The following TMEM245 variants were observed in gnomAD, a reference collection of about 807,000 sequenced individuals.
TMEM245 encodes the protein protein CG-2.
In TMEM245, 69 loss-of-function variants were observed where a neutral mutation model predicts 101.2. The ratio of observed to expected loss-of-function variants is 0.68; its 90% confidence interval spans 0.56 to 0.83. TMEM245 has a LOEUF of 0.83. TMEM245 is among the 40% of genes least tolerant of loss of function. The probability of loss-of-function intolerance (pLI) is 0.00; values close to 1 mark genes in which losing one functional copy is unlikely to be tolerated. For synonymous variants in TMEM245, 537 were observed against 449.8 expected, an observed-to-expected ratio of 1.19 and a Z score of -2.45; for missense variants, 1,075 against 1,092.8, an observed-to-expected ratio of 0.98 and a Z score of 0.23.
At chr9:109,084,202 T>G (rs1005540255) in intron 7 of TMEM245, among the ~76,000 whole-genome samples, 1 of 152,154 alleles carries the variant, frequency 6.6e-6, no homozygotes, top group Non-Finnish European at 1.5e-5. Context: ...CCTAATTCAC[T>G]CCACTTGAAA....
Position 109,119,558 on chromosome 9 carries a change from A to C in TMEM245, c.356T>G (p.Ile119Ser). ...CGGCAGGAGCAGCGCGGCCAGGACG[A>C]TGGGCGTGTGCGCGCGGTGCAGGCG... is the stretch of plus-strand genomic sequence containing the variant. ...LQRLHRAHTP[I>S]VLAALLLPLC... is the part of the protein sequence containing the mutation. The change falls in exon 1 of 18, where the codon ATC becomes AGC. Residue 119 changes from isoleucine (I) to serine (S), a missense_variant. Transcript: ENST00000374586. The C allele has an allele frequency of 6.5e-7, 1 of 1,537,970 alleles. No individual in the cohort carries two copies.
Position 109,064,548 on chromosome 9 carries a change from C to T in TMEM245, c.1552G>A (p.Val518Ile). Residue 518 changes from valine (V) to isoleucine (I), a missense_variant, in exon 10 of 18, where the codon GTA (valine) becomes ATA (isoleucine). Transcript: ENST00000374586. The stretch of plus-strand genomic sequence containing the variant: ...GCAGAATTCAGGGCTCTTTGGACTA[C>T]CTGAGCCTCAGGAAGCCAACTAATG... ...EWANWLPEAQ[V>I]VQRALNSAAN... The T allele has an allele frequency of 1.2e-6, 2 of 1,613,792 alleles. No homozygotes were observed. The highest frequency in any genetic ancestry group is 4.5e-5 in the East Asian group (2 of 44,854).
At chr9:109,065,228 A>C (rs1291859347) in intron 9 of TMEM245, among the ~76,000 whole-genome samples, 1 of 152,194 alleles carries the variant, frequency 6.6e-6, no homozygotes. Context: ...GGGATATTCA[A>C]CATCTGGGAC....
rs114754757 is a variant in TMEM245 at position 109,033,221 on chromosome 9, A to G, written c.2594+86T>C. 1.1e-3 allele frequency: 1,411 copies of G among 1,340,006 alleles called. 23 individuals are homozygous for G. In the African/African-American group the frequency reaches 0.019, roughly 18 times the overall value. 83.0% of individuals were successfully genotyped at this position (1,340,006 alleles called of 1,614,324 possible). ...GGTACTCAAATACCTTTATCCTGAC[A>G]AGTCTGGATGAAGCTACTTATCAAA... is the stretch of plus-strand genomic sequence containing the variant. On this transcript the variant is annotated intron_variant, in intron 17 of 17. Coordinates refer to ENST00000374586, the MANE Select transcript of TMEM245 (RefSeq NM_032012.4).
At chr9:109,105,839 C>G (rs1158789136) in intron 3 of TMEM245, among the ~76,000 whole-genome samples, 1 of 151,976 alleles carries the variant, frequency 6.6e-6, no homozygotes, top group Non-Finnish European at 1.5e-5. Flanking sequence ...GGTGCGATCT[C>G]GGCTCTCACT....
intron 3 of TMEM245, among the ~76,000 whole-genome samples, chr9:109,104,448 G>A (rs1830358973): frequency 6.6e-6 from 1 of 152,102 alleles, no homozygotes; most frequent in South Asian, 2.1e-4. Flanking sequence ...TTTTTATATT[G>A]TAAAGATGGC....
chr9:109,082,932 AC>A (rs1158999989), intron 7 of TMEM245, among the ~76,000 whole-genome samples: 1 of 152,182 alleles, frequency 6.6e-6, no homozygotes, highest in East Asian at 1.9e-4. Context: ...TTTAAAATAA[AC>A]AAAATTATTT....
At chr9:109,027,447 T>A (rs1333164911) in intron 17 of TMEM245, among the ~76,000 whole-genome samples, 1 of 152,096 alleles carries the variant, frequency 6.6e-6, no homozygotes, top group Non-Finnish European at 1.5e-5. Flanking sequence ...TAAGTGGATG[T>A]TTACATCTTG....
At chr9:109,119,255 C>G in intron 1 of TMEM245, 80 bp downstream of exon 1, 3 of 1,379,308 alleles carry the variant, frequency 2.2e-6, no homozygotes, top group Non-Finnish European at 2.9e-6. Context: ...GCCCCTGCAC[C>G]GGGAGGAACA....
intron 3 of TMEM245, among the ~76,000 whole-genome samples, chr9:109,103,973 T>C (rs1046228105): frequency 6.6e-6 from 1 of 151,844 alleles, no homozygotes; most frequent in African/African-American, 2.4e-5. Flanking sequence ...GAATCCCAGC[T>C]ACTCGGGAGG....
chr9:109,039,626 TATAAAA>T (rs1828243003), intron 14 of TMEM245, among the ~76,000 whole-genome samples: 1 of 151,920 alleles, frequency 6.6e-6, no homozygotes, highest in African/African-American at 2.4e-5. Flanking sequence ...CCAGAATAAT[TATAAAA>T]GAGTACAGGA....
At chr9:109,061,511 T>C (rs1829010393) in intron 10 of TMEM245, among the ~76,000 whole-genome samples, 1 of 152,234 alleles carries the variant, frequency 6.6e-6, no homozygotes, top group Non-Finnish European at 1.5e-5. Context: ...TACTTTTATA[T>C]TAATTCATTA....
chr9:109,018,290 T>A lies in TMEM245; in HGVS notation c.*2170A>T, dbSNP rs536425350. The A allele has an allele frequency of 1.4e-4, 22 of 152,300 alleles. No individual in the cohort carries two copies. In the South Asian group the frequency reaches 4.1e-3, roughly 29 times the overall value. The allele number at this position is 152,300 out of a possible 1,614,324, so 9.4% of individuals were successfully genotyped here. On this transcript the variant is annotated 3_prime_UTR_variant, in exon 18 of 18. Transcript: ENST00000374586. The stretch of plus-strand genomic sequence containing the variant: ...TTTTTTAGCCTTTTAATGCAAAAAA[T>A]TTAAATTTAGTATTACATATGATCT...
At chr9:109,046,973 G>C (rs1291402863) in intron 14 of TMEM245, among the ~76,000 whole-genome samples, 1 of 152,044 alleles carries the variant, frequency 6.6e-6, no homozygotes, top group Non-Finnish European at 1.5e-5. Context: ...TTGAATTTGA[G>C]CCAGTAAAGA....
At chr9:109,114,852 A>AT (rs10717116) in intron 1 of TMEM245, among the ~76,000 whole-genome samples, 6 of 151,058 alleles carry the variant, frequency 4.0e-5, no homozygotes, top group South Asian at 2.1e-4. Flanking sequence ...GCAACAGCTG[A>AT]TTTTTTTTTT....
At chr9:109,097,846 G>A (rs753069100) in intron 3 of TMEM245, among the ~76,000 whole-genome samples, 13 of 152,280 alleles carry the variant, frequency 8.5e-5, no homozygotes, top group East Asian at 1.9e-4. Flanking sequence ...ACTTGAACCC[G>A]GGAGGCAGAG....
chr9:109,033,381 A>G lies in TMEM245; in HGVS notation c.2520T>C (p.Tyr840=). The G allele has an allele frequency of 1.2e-6, 2 of 1,614,174 alleles. No individual in the cohort carries two copies. The highest frequency in any genetic ancestry group is 1.3e-5 in the African/African-American group (1 of 75,048). Residue 840 remains tyrosine (Y), a synonymous_variant, in exon 17 of 18, where the codon TAT becomes TAC. Transcript: ENST00000374586. ...LCILVVASNI[Y]SAMLVSPTNS... ...TCGTGGGACTCACTAGCATGGCACT[A>G]TAGATATTGGAAGCAACCACAAGTA...
At chr9:109,114,535 G>A (rs551340918) in intron 1 of TMEM245, among the ~76,000 whole-genome samples, 2 of 152,314 alleles carry the variant, frequency 1.3e-5, no homozygotes, top group South Asian at 4.1e-4. Context: ...TTAGTTACTG[G>A]CAGAGCCAAG....
chr9:109,076,622 C>T (rs1444453595), intron 8 of TMEM245, among the ~76,000 whole-genome samples: 1 of 152,110 alleles, frequency 6.6e-6, no homozygotes. Context: ...AAGTATGTTG[C>T]TTAATTTCTA....
Sources: gnomAD v4.1 joint callset for allele counts (sites outside exome capture counted in the v4.1 genomes callset) on GRCh38, gnomAD v4.1.1 for gene constraint, MANE v1.5 for transcripts, NCBI Gene and HGNC (gene_info 2026-07-23, HGNC 2026-07-21) for gene names.